The following SENP1 variants were observed in gnomAD, a reference collection of about 807,000 sequenced individuals.
SENP1 encodes sentrin-specific protease 1.
A neutral mutation model predicts 93.0 loss-of-function variants in SENP1; 21 were observed. The observed-to-expected ratio is 0.23, with a 90% CI of 0.16 to 0.33. The LOEUF (loss-of-function observed/expected upper bound fraction) is 0.33. Ranked by LOEUF, SENP1 falls within the 10% of genes least tolerant of loss-of-function variation. The pLI is 1.00. For synonymous variants in SENP1, 256 were observed against 259.6 expected (o/e 0.99, Z 0.13); for missense variants, 591 against 758.7 (o/e 0.78, Z 2.60).
chr12:48,048,653 C>T (rs1323767738), intron 14 of SENP1, among the ~76,000 whole-genome samples: 1 of 152,042 alleles, frequency 6.6e-6, no homozygotes, highest in African/African-American at 2.4e-5. Context: ...ATTAATAAGT[C>T]ACTTTTTTTC....
chr12:48,105,731 C>T, intron 1 of SENP1: 1 of 519,656 alleles, frequency 1.9e-6, no homozygotes, highest in Non-Finnish European at 3.5e-6. Flanking sequence ...CGGCTGGGCG[C>T]TGGGATGGGG....
At chr12:48,064,687 G>T (rs146095520) in intron 12 of SENP1, among the ~76,000 whole-genome samples, 1 of 152,226 alleles carries the variant, frequency 6.6e-6, no homozygotes, top group East Asian at 1.9e-4. Context: ...TTGTGTGTGT[G>T]TGTATGTGAG....
intron 6 of SENP1, among the ~76,000 whole-genome samples, chr12:48,078,562 C>G (rs1944303197): frequency 6.6e-6 from 1 of 151,096 alleles, no homozygotes; most frequent in African/African-American, 2.4e-5. Flanking sequence ...GCTCTGTCGC[C>G]CAGACTGGAG....
intron 10 of SENP1, 63 bp from the exon 11 acceptor site, chr12:48,065,743 T>A: frequency 9.8e-7 from 1 of 1,023,372 alleles, no homozygotes; most frequent in Non-Finnish European, 1.5e-6. Context: ...ATATTGTTGA[T>A]GTACACTGAA....
rs1201365166 is a variant in SENP1, at chr12:48,090,610, T to C, written c.221-1650A>G. 6.8e-4 allele frequency among the ~76,000 whole-genome samples: 103 copies of C among 152,274 alleles called. 1 individual carries two copies. The highest frequency in any genetic ancestry group is 2.1e-4 in the South Asian group (1 of 4,818). ...TACAGATACTGTTTTTGTTTGTTTG[T>C]TTTTGAGGCAGGGTCTCACTCTGTT... On this transcript the variant is annotated intron_variant, in intron 4 of 17. Transcript: ENST00000549518.
chr12:48,082,131 C>T (rs1373192343), intron 6 of SENP1, among the ~76,000 whole-genome samples: 6 of 152,030 alleles, frequency 3.9e-5, no homozygotes, highest in South Asian at 2.1e-4. Context: ...CCTCGTGATC[C>T]GCCCGTCTCA....
Position 48,074,761 on chromosome 12 carries a change from T to C in SENP1, c.585A>G (p.Arg195=), listed in dbSNP as rs576006627. 2.5e-5 allele frequency: 41 copies of C among 1,612,560 alleles called. 1 individual carries two copies. In the South Asian group the frequency reaches 4.5e-4, roughly 18 times the overall value. The change falls in exon 7 of 18, where the codon AGA becomes AGG. Residue 195 remains arginine (R), a synonymous_variant. Transcript: ENST00000549518. ...TCCCTGTGACCATCTGTAGCAGCTG[T>C]CTGTAAATCTCTCTTTCTTCTTCTT... is the stretch of plus-strand genomic sequence containing the variant. ...TVQEEEREIY[R]QLLQMVTGKQ...
intron 1 of SENP1, among the ~76,000 whole-genome samples, chr12:48,102,411 G>T (rs1408445061): frequency 8.4e-6 from 1 of 119,098 alleles, no homozygotes; most frequent in South Asian, 2.8e-4. Context: ...CAGCCTGGGC[G>T]ACAGAGCAAG....
At chr12:48,086,332 A>C (rs1013205382) in intron 5 of SENP1, among the ~76,000 whole-genome samples, 2 of 152,218 alleles carry the variant, frequency 1.3e-5, no homozygotes, top group African/African-American at 4.8e-5. Context: ...AAAGTGATAA[A>C]ATTAGAAAAA....
Position 48,105,226 on chromosome 12 carries a change from CT to C in SENP1, c.-45+801del, listed in dbSNP as rs1592531437. ...GTGTACCAAATATGAAGTAAAATGA[CT>C]TTAACAAGGCTGACTTGAAAGTGAT... On this transcript the variant is annotated intron_variant, in intron 1 of 17. Coordinates refer to ENST00000549518, the MANE Select transcript of SENP1 (RefSeq NM_001267594.2). 7 of 369,748 alleles carry C rather than the reference CT, an allele frequency of 1.9e-5. No homozygotes were observed. The East Asian group carries it at 4.4e-4, about 23-fold the overall frequency. 22.9% of individuals were successfully genotyped at this position (369,748 alleles called of 1,614,324 possible).
In SENP1 at chr12:48,063,783, C is replaced by T. The variant is rs928580386; in HGVS notation, c.1334G>A (p.Ser445Asn). The T allele has an allele frequency of 1.2e-6, 2 of 1,613,084 alleles. No individual in the cohort carries two copies. The highest frequency in any genetic ancestry group is 4.5e-5 in the East Asian group (2 of 44,864). The change falls in exon 13 of 18, where the codon AGT (serine) becomes AAT (asparagine). Residue 445 changes from serine to asparagine, a missense_variant. Coordinates refer to ENST00000549518, the MANE Select transcript of SENP1 (RefSeq NM_001267594.2). ...TGTAATGGTCAGGCGAAATGCTTCACTGAGAACTTCATCCTGATTCCCATT... is the reference window on the plus strand; with the variant it reads ...TGTAATGGTCAGGCGAAATGCTTCATTGAGAACTTCATCCTGATTCCCATT... ...FRNGNQDEVL[S>N]EAFRLTITRK...
At chr12:48,070,150 G>A (rs1943585751) in intron 9 of SENP1, among the ~76,000 whole-genome samples, 1 of 152,168 alleles carries the variant, frequency 6.6e-6, no homozygotes, top group South Asian at 2.1e-4. Context: ...GACAGACAAA[G>A]TTGAGGTACG....
chr12:48,074,505 AGAT>A lies in SENP1; in HGVS notation c.756_758del (p.Ser253del), dbSNP rs778640072. On this transcript the variant is annotated inframe_deletion, in exon 8 of 18. Transcript: ENST00000549518. ...GGTTAGTTAAAATGCTGGCAGATCCAGATGATGAAGTATCAGAGCCAATGATCT... is the reference window on the plus strand; with the variant it reads ...GGTTAGTTAAAATGCTGGCAGATCCAGATGAAGTATCAGAGCCAATGATCT... 50 of 1,613,860 alleles carry A rather than the reference AGAT, an allele frequency of 3.1e-5. No homozygotes were observed. The South Asian group carries it at 4.7e-4, about 15-fold the overall frequency.
chr12:48,088,553 C>T (rs1945032870), intron 5 of SENP1: 1 of 459,948 alleles, frequency 2.2e-6, no homozygotes, highest in African/African-American at 2.0e-5. Context: ...TGAAGGCTCC[C>T]AATATTCTCA....
intron 12 of SENP1, among the ~76,000 whole-genome samples, chr12:48,064,307 A>G (rs1231757911): frequency 6.6e-6 from 1 of 152,188 alleles, no homozygotes; most frequent in Non-Finnish European, 1.5e-5. Context: ...AACTATAATA[A>G]GTGTGTTATG....
chr12:48,063,869 CA>C (rs1197639972), intron 12 of SENP1, 28 bp from the exon 13 acceptor site: 29 of 1,594,858 alleles, frequency 1.8e-5, no homozygotes, highest in Non-Finnish European at 2.0e-5. Context: ...GTCAAGACAT[CA>C]AACACGCGTG....
chr12:48,071,650 C>G lies in SENP1; in HGVS notation c.995+17G>C. On this transcript the variant is annotated intron_variant, in intron 9 of 17. Transcript: ENST00000549518. The stretch of plus-strand genomic sequence containing the variant: ...TATTAATTAATTAATAAAGAACAAG[C>G]TTTTTCCAAAGTTTACCTGGGAGTT... 1 of 1,562,736 alleles carries G rather than the reference C, an allele frequency of 6.4e-7. No homozygotes were observed. The highest frequency in any genetic ancestry group is 8.8e-7 in the Non-Finnish European group (1 of 1,135,794).
At chr12:48,081,287 T>C (rs1021601641) in intron 6 of SENP1, 2 of 151,998 alleles carry the variant, frequency 1.3e-5, no homozygotes, top group Non-Finnish European at 2.9e-5. Context: ...TAAAATTCAA[T>C]AGCATAAAAG....
rs758253671 is a variant in SENP1 at position 48,065,056 on chromosome 12, G to T, written c.1275+9C>A. ...TTAGTAGTGTAGAAATTAAGTGTAT[G>T]TAACTTACCTCTGTAATTTCAGGAA... On this transcript the variant is annotated intron_variant, in intron 12 of 17. Transcript: ENST00000549518. 6 of 1,549,576 alleles carry T rather than the reference G, an allele frequency of 3.9e-6. No homozygotes were observed. The highest frequency in any genetic ancestry group is 3.4e-5 in the Admixed American group (2 of 59,620).
Sources: gnomAD v4.1 joint callset for allele counts (sites outside exome capture counted in the v4.1 genomes callset) on GRCh38, gnomAD v4.1.1 for gene constraint, MANE v1.5 for transcripts, NCBI Gene and HGNC (gene_info 2026-07-23, HGNC 2026-07-21) for gene names.